CSMD1: variants seen among roughly 807,000 people sequenced by gnomAD.
CSMD1 encodes CUB and Sushi multiple domains 1, also known as CUB and sushi domain-containing protein 1.
Under a neutral mutation model 417.5 loss-of-function variants are expected in CSMD1, and 213 were observed. The ratio of observed to expected loss-of-function variants is 0.51; its 90% CI spans 0.46 to 0.57. CSMD1 has a LOEUF of 0.57. Ranked by LOEUF, CSMD1 falls within the 20% of genes least tolerant of loss-of-function variation. The probability of loss-of-function intolerance (pLI) is 0.00; values close to 1 mark genes in which losing one functional copy is unlikely to be tolerated. For synonymous variants in CSMD1, 2,862 were observed against 1,736.8 expected (o/e 1.65, Z -16.11); for missense variants, 6,923 against 4,529.7 (o/e 1.53, Z -15.17).
chr8:4,611,620 C>G (rs553462096), intron 2 of CSMD1, among the ~76,000 whole-genome samples: 1 of 152,262 alleles, frequency 6.6e-6, no homozygotes, highest in African/African-American at 2.4e-5. Flanking sequence ...TCTCTTTAAC[C>G]TCCTATAAAT....
At chr8:4,727,400 A>C (rs147845338) in intron 1 of CSMD1, among the ~76,000 whole-genome samples, 3 of 152,226 alleles carry the variant, frequency 2.0e-5, no homozygotes, top group Admixed American at 6.5e-5. Flanking sequence ...GGAAAACTCC[A>C]TAAGTGCACT....
chr8:4,567,904 C>G (rs543197519), intron 2 of CSMD1, among the ~76,000 whole-genome samples: 1 of 152,084 alleles, frequency 6.6e-6, no homozygotes, highest in Non-Finnish European at 1.5e-5. Context: ...TTAATGAGTT[C>G]ACTTAATCAA....
At chr8:3,568,910 G>T (rs1799830862) in intron 10 of CSMD1, among the ~76,000 whole-genome samples, 2 of 151,826 alleles carry the variant, frequency 1.3e-5, no homozygotes, top group Admixed American at 6.6e-5. Flanking sequence ...AAGACCCCAG[G>T]GATAAACTTT....
chr8:4,818,365 T>A (rs935227343), intron 1 of CSMD1, among the ~76,000 whole-genome samples: 2 of 152,206 alleles, frequency 1.3e-5, no homozygotes, highest in Admixed American at 1.3e-4. Context: ...TAATGTTCCT[T>A]CAATAAGTGC....
intron 1 of CSMD1, among the ~76,000 whole-genome samples, chr8:4,893,245 TTAA>T (rs1314676182): frequency 2.6e-5 from 4 of 152,164 alleles, no homozygotes; most frequent in African/African-American, 4.8e-5. Context: ...AATTGCCTAC[TTAA>T]TATTTTTCCA....
At chr8:3,875,633 C>T (rs1343618491) in intron 5 of CSMD1, among the ~76,000 whole-genome samples, 1 of 152,146 alleles carries the variant, frequency 6.6e-6, no homozygotes, top group Non-Finnish European at 1.5e-5. Context: ...AGTTTCCTCA[C>T]AGCCTCCGGA....
At chr8:3,024,288 GT>G (rs1194773089) in intron 51 of CSMD1, among the ~76,000 whole-genome samples, 36 of 137,650 alleles carry the variant, frequency 2.6e-4, no homozygotes, top group Admixed American at 6.7e-4. Context: ...ACATTTTGAG[GT>G]TTTTTTTGGG....
At chr8:4,139,591 G>C (rs1213075164) in intron 3 of CSMD1, among the ~76,000 whole-genome samples, 7 of 151,164 alleles carry the variant, frequency 4.6e-5, no homozygotes, top group Non-Finnish European at 8.8e-5. Flanking sequence ...GAACTGAGTG[G>C]GCATCAAGGG....
chr8:3,951,026 G>C lies in CSMD1; in HGVS notation c.818+46877C>G, dbSNP rs368218639. On this transcript the variant is annotated intron_variant, in intron 5 of 69. Coordinates refer to ENST00000635120, the MANE Select transcript of CSMD1 (RefSeq NM_033225.6). ...TGAGCCCCGTTTCTGATCTACAAAA[G>C]TCACTTTAGTGAGATTTTTAAAGCT... Among the ~76,000 whole-genome samples the C allele has an allele frequency of 6.0e-3, 911 of 152,286 alleles. 9 individuals carry two copies. The highest frequency in any genetic ancestry group is 0.018 in the African/African-American group (739 of 41,554).
chr8:4,958,650 C>A (rs967142711), intron 1 of CSMD1, among the ~76,000 whole-genome samples: 5 of 152,096 alleles, frequency 3.3e-5, no homozygotes, highest in African/African-American at 1.2e-4. Flanking sequence ...GTGAACCAGT[C>A]TTTCTGGTTT....
chr8:4,706,939 C>T (rs748274), intron 1 of CSMD1, among the ~76,000 whole-genome samples: 26,367 of 152,138 alleles, frequency 0.17, 2,887 homozygotes, highest in East Asian at 0.28. Flanking sequence ...GTAATTTGCT[C>T]ATCTGAAGCT....
In CSMD1 at chr8:4,782,180, C is replaced by G. The variant is rs77434837; in HGVS notation, c.86-144622G>C. Among the ~76,000 whole-genome samples the G allele has an allele frequency of 9.5e-3, 1,442 of 152,232 alleles. 65 individuals carry two copies. The highest frequency in any genetic ancestry group is 0.061 in the Admixed American group (934 of 15,276). Reference sequence around the variant, plus strand: ...AAGTTACAGTTAGGAAGAAAGAGTTCTGCTGTTCTATTGCACAGTAGAGTG... The same window carrying G: ...AAGTTACAGTTAGGAAGAAAGAGTTGTGCTGTTCTATTGCACAGTAGAGTG... On this transcript the variant is annotated intron_variant, in intron 1 of 69. Coordinates refer to ENST00000635120, the MANE Select transcript of CSMD1 (RefSeq NM_033225.6).
intron 8 of CSMD1, among the ~76,000 whole-genome samples, chr8:3,613,109 A>T (rs2117147467): frequency 6.6e-6 from 1 of 152,180 alleles, no homozygotes; most frequent in South Asian, 2.1e-4. Flanking sequence ...ACTCATTTAA[A>T]GGATAATAAA....
intron 52 of CSMD1, among the ~76,000 whole-genome samples, chr8:3,003,764 C>T (rs569853271): frequency 1.3e-5 from 2 of 152,224 alleles, no homozygotes; most frequent in East Asian, 3.9e-4. Flanking sequence ...TGCTGAGGAC[C>T]AGGACTCCTG....
chr8:3,072,567 C>G (rs912956763), intron 49 of CSMD1, among the ~76,000 whole-genome samples: 2 of 152,152 alleles, frequency 1.3e-5, no homozygotes, highest in Admixed American at 6.5e-5. Context: ...TGTTTATGTG[C>G]ATGTGTGCCT....
At chr8:4,736,437 A>G (rs1359564721) in intron 1 of CSMD1, among the ~76,000 whole-genome samples, 2 of 152,164 alleles carry the variant, frequency 1.3e-5, no homozygotes, top group East Asian at 3.9e-4. Flanking sequence ...TTGCATGAAC[A>G]GAGAGAAGCA....
At chr8:2,945,271 G>C (rs1334748163) in intron 68 of CSMD1, among the ~76,000 whole-genome samples, 3 of 152,006 alleles carry the variant, frequency 2.0e-5, no homozygotes, top group South Asian at 2.1e-4. Flanking sequence ...TTTTATAATT[G>C]GTAATATTAT....
At chr8:3,604,567 T>C (rs978991949) in intron 8 of CSMD1, among the ~76,000 whole-genome samples, 2 of 152,154 alleles carry the variant, frequency 1.3e-5, no homozygotes, top group African/African-American at 4.8e-5. Context: ...GCTCTAACTT[T>C]ATAAGTATAT....
intron 7 of CSMD1, among the ~76,000 whole-genome samples, chr8:3,690,441 T>C (rs1800178719): frequency 6.6e-6 from 1 of 152,226 alleles, no homozygotes; most frequent in Admixed American, 6.5e-5. Context: ...TGTATGTGGG[T>C]AAACTGTCAC....
Sources: allele counts gnomAD v4.1 joint callset (sites outside exome capture counted in the v4.1 genomes callset), GRCh38; gene constraint gnomAD v4.1.1; transcripts MANE v1.5; gene names NCBI Gene and HGNC (gene_info 2026-07-23, HGNC 2026-07-21).